Variants in LRBA observed in about 807,000 individuals in gnomAD.
LRBA encodes the protein lipopolysaccharide-responsive and beige-like anchor protein.
LRBA carries 176 observed loss-of-function variants against 330.0 expected under a neutral mutation model. The ratio of observed to expected loss-of-function variants is 0.53; its 90% CI spans 0.47 to 0.60. The LOEUF (loss-of-function observed/expected upper bound fraction) is 0.60, where lower values mean the gene tolerates loss of function less well. Ranked by LOEUF, LRBA falls within the 20% of genes least tolerant of loss-of-function variation. The pLI is 0.00. For missense variants in LRBA, 3,259 were observed against 3,444.8 expected (o/e 0.95, Z 1.35); for synonymous variants, 1,230 against 1,193.0 (o/e 1.03, Z -0.64).
chr4:150,906,996 T>C (rs946127415), intron 11 of LRBA, among the ~76,000 whole-genome samples: 3 of 151,286 alleles, frequency 2.0e-5, no homozygotes, highest in Non-Finnish European at 4.4e-5. Context: ...AAATTGTAAT[T>C]CTCCAGTCAG....
chr4:150,665,297 G>A (rs566928512), intron 37 of LRBA, among the ~76,000 whole-genome samples: 3 of 152,290 alleles, frequency 2.0e-5, no homozygotes, highest in African/African-American at 7.2e-5. Context: ...GAAAACTGAT[G>A]TTTACAATCA....
At chr4:150,614,984 C>T (rs181851025) in intron 37 of LRBA, among the ~76,000 whole-genome samples, 2 of 152,166 alleles carry the variant, frequency 1.3e-5, no homozygotes, top group African/African-American at 4.8e-5. Context: ...TAATAGGGAA[C>T]ATGTTAACAT....
rs141464651 is a variant in LRBA at position 150,831,450 on chromosome 4, A to C, written c.4729+367T>G. Among the ~76,000 whole-genome samples, 11 of 152,212 alleles carry C rather than the reference A, an allele frequency of 7.2e-5. No homozygotes were observed. In the East Asian group the frequency reaches 2.1e-3, roughly 29 times the overall value. ...TTGCAACAGCTACTTAACTAACTAT[A>C]CTTTTATAACTGGAAGCTACTTTTA... On this transcript the variant is annotated intron_variant, in intron 29 of 56. Transcript: ENST00000651943.
rs927116724 is a variant in LRBA, at chr4:150,989,031, C to T, written c.216+25396G>A. Among the ~76,000 whole-genome samples the T allele has an allele frequency of 4.0e-5, 6 of 151,898 alleles. 1 individual carries two copies. Among genetic ancestry groups the T allele is most frequent in the Admixed American group, 2.0e-4 (3 of 15,254 alleles). On this transcript the variant is annotated intron_variant, in intron 2 of 56. Transcript: ENST00000651943. ...TTGTTTTTTTGTTTTGAGACAGAGTCTCACTCTGTCACCCAGGCTGGAGTA... is the reference window on the plus strand; with the variant it reads ...TTGTTTTTTTGTTTTGAGACAGAGTTTCACTCTGTCACCCAGGCTGGAGTA...
intron 40 of LRBA, among the ~76,000 whole-genome samples, chr4:150,527,009 T>A (rs1460562987): frequency 6.7e-6 from 1 of 149,400 alleles, no homozygotes; most frequent in African/African-American, 2.5e-5. Flanking sequence ...CTTCTTTTCT[T>A]CTACTTTTTT....
In LRBA at chr4:150,561,008, T is replaced by C. The variant is rs113318456; in HGVS notation, c.6330+27040A>G. On this transcript the variant is annotated intron_variant, in intron 40 of 56. Coordinates refer to ENST00000651943, the MANE Select transcript of LRBA (RefSeq NM_001364905.1). The stretch of plus-strand genomic sequence containing the variant: ...CTCAAAAAAAAGAAAAAGGTTACTA[T>C]CAGTAAATGCTAGCTGAAACTACAG... Among the ~76,000 whole-genome samples the C allele has an allele frequency of 5.7e-3, 870 of 152,158 alleles. 11 individuals carry two copies. The highest frequency in any genetic ancestry group is 0.018 in the African/African-American group (754 of 41,534).
chr4:150,786,892 T>C (rs1259413241), intron 34 of LRBA, among the ~76,000 whole-genome samples: 1 of 152,090 alleles, frequency 6.6e-6, no homozygotes, highest in Admixed American at 6.5e-5. Context: ...GGCAATTACA[T>C]TGGAAATACC....
chr4:150,444,696 C>T (rs1347385506), intron 44 of LRBA, among the ~76,000 whole-genome samples: 1 of 152,026 alleles, frequency 6.6e-6, no homozygotes, highest in East Asian at 1.9e-4. Context: ...CTTTTTAATC[C>T]CTTGAAAACA....
chr4:150,572,475 A>G (rs929680137), intron 40 of LRBA, among the ~76,000 whole-genome samples: 26 of 152,152 alleles, frequency 1.7e-4, no homozygotes, highest in African/African-American at 5.5e-4. Flanking sequence ...CAACTTAATT[A>G]TCTTTGCAGA....
chr4:150,772,343 G>A (rs1736697230), intron 34 of LRBA, among the ~76,000 whole-genome samples: 1 of 152,106 alleles, frequency 6.6e-6, no homozygotes, highest in Admixed American at 6.5e-5. Flanking sequence ...ATAGGTACGG[G>A]CTGGCAAAGA....
chr4:150,422,727 C>T, intron 46 of LRBA: 1 of 910,562 alleles, frequency 1.1e-6, no homozygotes, highest in Non-Finnish European at 1.8e-6. Flanking sequence ...CTGGAACCCA[C>T]CTGAGGGCCC....
At chr4:150,613,839 T>C (rs1032900501) in intron 37 of LRBA, among the ~76,000 whole-genome samples, 1 of 152,206 alleles carries the variant, frequency 6.6e-6, no homozygotes, top group Non-Finnish European at 1.5e-5. Flanking sequence ...TCTGAAACCT[T>C]GGCCTAAGAT....
intron 56 of LRBA, among the ~76,000 whole-genome samples, chr4:150,274,508 A>G (rs1425379804): frequency 6.6e-6 from 1 of 152,192 alleles, no homozygotes; most frequent in Non-Finnish European, 1.5e-5. Context: ...TGAATCCAGG[A>G]GCTGGTTTTT....
intron 2 of LRBA, among the ~76,000 whole-genome samples, chr4:150,987,706 C>CAA (rs943074008): frequency 7.6e-6 from 1 of 130,946 alleles, no homozygotes. Context: ...TCTCTGTATC[C>CAA]AAAAAAAAAA....
At chr4:150,756,303 G>A (rs1734289361) in intron 35 of LRBA, among the ~76,000 whole-genome samples, 1 of 151,934 alleles carries the variant, frequency 6.6e-6, no homozygotes, top group South Asian at 2.1e-4. Context: ...ATATTTGGAG[G>A]GATCACAAGC....
chr4:150,525,482 C>T (rs1488221856), intron 40 of LRBA, among the ~76,000 whole-genome samples: 1 of 152,126 alleles, frequency 6.6e-6, no homozygotes, highest in African/African-American at 2.4e-5. Flanking sequence ...AAACGGCCTA[C>T]CTGCCTCTGA....
chr4:150,469,052 C>A (rs1373207753), intron 43 of LRBA, among the ~76,000 whole-genome samples: 1 of 151,584 alleles, frequency 6.6e-6, no homozygotes, highest in Non-Finnish European at 1.5e-5. Flanking sequence ...TTTATGCTCC[C>A]CCACTTCCTT....
intron 40 of LRBA, among the ~76,000 whole-genome samples, chr4:150,544,237 C>T (rs1765617285): frequency 6.6e-6 from 1 of 152,016 alleles, no homozygotes; most frequent in South Asian, 2.1e-4. Context: ...CAGTGATTCT[C>T]ATGCCTCAGT....
chr4:150,509,918 C>T (rs1221328445), intron 40 of LRBA, among the ~76,000 whole-genome samples: 1 of 152,194 alleles, frequency 6.6e-6, no homozygotes, highest in African/African-American at 2.4e-5. Flanking sequence ...AGGCAGATTA[C>T]TTGAAGTCTG....
Sources: gnomAD v4.1 joint callset for allele counts (sites outside exome capture counted in the v4.1 genomes callset) on GRCh38, gnomAD v4.1.1 for gene constraint, MANE v1.5 for transcripts, NCBI Gene and HGNC (gene_info 2026-07-23, HGNC 2026-07-21) for gene names.